The following CENPP variants were observed in gnomAD, a reference collection of about 807,000 sequenced individuals.
The protein encoded by CENPP is centromere protein P.
CENPP carries 24 observed loss-of-function variants against 35.6 expected under a neutral mutation model. The ratio of observed to expected loss-of-function variants is 0.67; its 90% CI spans 0.49 to 0.95. The LOEUF (loss-of-function observed/expected upper bound fraction) is 0.95. CENPP is among the 40% of genes least tolerant of loss of function. The pLI, the probability that CENPP is intolerant of heterozygous loss-of-function variation, is 0.00. For synonymous variants in CENPP, 120 were observed against 125.5 expected, an observed-to-expected ratio of 0.96 and a Z score of 0.29; for missense variants, 332 against 345.3, an observed-to-expected ratio of 0.96 and a Z score of 0.31.
chr9:92,438,182 A>G (rs1564320111), intron 5 of CENPP, among the ~76,000 whole-genome samples: 1 of 152,126 alleles, frequency 6.6e-6, no homozygotes, highest in Non-Finnish European at 1.5e-5. Context: ...TCAGGTCTTA[A>G]ATATTTTTTC....
chr9:92,474,807 G>C (rs535145508), intron 5 of CENPP: 2 of 1,612,956 alleles, frequency 1.2e-6, no homozygotes, highest in African/African-American at 2.7e-5. Flanking sequence ...ATATCCTTCA[G>C]CATCATATTC....
At chr9:92,571,665 A>T (rs1168302379) in intron 5 of CENPP, among the ~76,000 whole-genome samples, 1 of 152,074 alleles carries the variant, frequency 6.6e-6, no homozygotes, top group African/African-American at 2.4e-5. Flanking sequence ...GATCTGTCTA[A>T]TGTTGATAGT....
intron 5 of CENPP, among the ~76,000 whole-genome samples, chr9:92,424,044 CAAAAGTTTAACAT>C (rs1303416124): frequency 2.0e-5 from 3 of 152,056 alleles, no homozygotes; most frequent in African/African-American, 7.2e-5. Context: ...TTTGCCTAAT[CAAAAGTTTAACAT>C]AACTTTTTTA....
chr9:92,403,599 G>A lies in CENPP; in HGVS notation c.564+23740G>A, dbSNP rs181346547. 2.9e-5 allele frequency: 35 copies of A among 1,221,196 alleles called. No individual in the cohort carries two copies. The Admixed American group carries it at 1.5e-3, about 51-fold the overall frequency. The allele number at this position is 1,221,196 out of a possible 1,614,324, so 75.6% of individuals were successfully genotyped here. On this transcript the variant is annotated intron_variant, in intron 5 of 7. Coordinates refer to ENST00000375587, the MANE Select transcript of CENPP (RefSeq NM_001012267.3). ...TTTAACCCTTAGTGATCTTTAATTAGATGCTAGCAGTTTTTATGTATCAGT... is the reference window on the plus strand; with the variant it reads ...TTTAACCCTTAGTGATCTTTAATTAAATGCTAGCAGTTTTTATGTATCAGT...
rs1452710010 is a variant in CENPP, at chr9:92,390,009, C to G, written c.564+10150C>G. ...GAAAGTTTTGAAAAAGTACCATCTT[C>G]TATATCTTCTATCAAATTTCCTGTA... On this transcript the variant is annotated intron_variant, in intron 5 of 7. Coordinates refer to ENST00000375587, the MANE Select transcript of CENPP (RefSeq NM_001012267.3). 4 of 1,607,860 alleles carry G rather than the reference C, an allele frequency of 2.5e-6. No homozygotes were observed. In the African/African-American group the frequency reaches 5.3e-5, roughly 21 times the overall value.
At chr9:92,343,205 T>C (rs1255265225) in intron 3 of CENPP, among the ~76,000 whole-genome samples, 2 of 152,232 alleles carry the variant, frequency 1.3e-5, no homozygotes, top group African/African-American at 2.4e-5. Context: ...TGATGACTTA[T>C]AGTTTGTCTA....
At chr9:92,446,442 G>GA (rs1416376661) in intron 5 of CENPP, among the ~76,000 whole-genome samples, 1 of 152,094 alleles carries the variant, frequency 6.6e-6, no homozygotes, top group East Asian at 1.9e-4. Context: ...GTGCATTGGG[G>GA]AAAAATGCCG....
At chr9:92,380,167 A>G (rs1389612835) in intron 5 of CENPP, among the ~76,000 whole-genome samples, 1 of 152,234 alleles carries the variant, frequency 6.6e-6, no homozygotes, top group Non-Finnish European at 1.5e-5. Context: ...AATAAAGAAT[A>G]TCATCACAGC....
chr9:92,593,578 G>A lies in CENPP; in HGVS notation c.565-17736G>A, dbSNP rs888120947. On this transcript the variant is annotated intron_variant, in intron 5 of 7. Coordinates refer to ENST00000375587, the MANE Select transcript of CENPP (RefSeq NM_001012267.3). This position sits in a 1 kb window ranked among gnomAD's most constrained non-coding sequence, Gnocchi z 4.1. ...TGTACAGAAATGAATAAATGAAAGA[G>A]TGGTGTTTGCTACTCTTCTGTTATC... Among the ~76,000 whole-genome samples the A allele has an allele frequency of 4.6e-5, 7 of 152,194 alleles. No individual in the cohort carries two copies. The highest frequency in any genetic ancestry group is 1.7e-4 in the African/African-American group (7 of 41,448).
chr9:92,448,596 C>A (rs1844613854), intron 5 of CENPP, among the ~76,000 whole-genome samples: 1 of 151,796 alleles, frequency 6.6e-6, no homozygotes, highest in Non-Finnish European at 1.5e-5. Flanking sequence ...CCTATGATTT[C>A]ATCTCTAGGG....
At position 92,332,264 on chromosome 9, in the gene CENPP, T is replaced by C. The variant is rs1323977417; in HGVS notation, c.202T>C (p.Ser68Pro). 6.2e-7 allele frequency: 1 copy of C among 1,613,060 alleles called. No homozygotes were observed. The highest frequency in any genetic ancestry group is 8.5e-7 in the Non-Finnish European group (1 of 1,179,470). Reference sequence around the variant, plus strand: ...GCTTGGACATTTAGAATCAGAACTTTCATTTCTAAGTACGCTTACTGGCAT... The same window carrying C: ...GCTTGGACATTTAGAATCAGAACTTCCATTTCTAAGTACGCTTACTGGCAT... ...NQLGHLESELSFLSTLTGINI... is the reference protein window; with the variant it reads ...NQLGHLESELPFLSTLTGINI... Residue 68 changes from serine (S) to proline (P), a missense_variant, in exon 2 of 8, where the codon TCA (serine) becomes CCA (proline). Ser to Pro is a moderately conservative substitution (Grantham distance 74). Coordinates refer to ENST00000375587, the MANE Select transcript of CENPP (RefSeq NM_001012267.3).
intron 5 of CENPP, among the ~76,000 whole-genome samples, chr9:92,433,146 G>A (rs1588126709): frequency 6.6e-6 from 1 of 152,302 alleles, no homozygotes; most frequent in Admixed American, 6.5e-5. Context: ...CAGTTCTGGA[G>A]TTATTGGGAA....
chr9:92,567,389 T>TATATATATATATATATATAG (rs1564005567), intron 5 of CENPP, among the ~76,000 whole-genome samples: 25 of 98,036 alleles, frequency 2.6e-4, no homozygotes, highest in Admixed American at 5.8e-4. Flanking sequence ...TATATATATA[T>TATATATATATATATATATAG]ATATATAGAT....
intron 5 of CENPP, among the ~76,000 whole-genome samples, chr9:92,539,337 TCCCCCGCTCCCCCAC>T (rs1849262888): frequency 6.8e-6 from 1 of 147,816 alleles, no homozygotes; most frequent in African/African-American, 2.5e-5. Context: ...TCTCCCGCCT[TCCCCCGCTCCCCCAC>T]CCCCCACCCC....
intron 5 of CENPP, among the ~76,000 whole-genome samples, chr9:92,501,283 G>A (rs1161689631): frequency 6.6e-6 from 1 of 152,134 alleles, no homozygotes; most frequent in Non-Finnish European, 1.5e-5. Flanking sequence ...GAGTCCATGC[G>A]AGAGGAGCAT....
chr9:92,566,838 C>A (rs7873390), intron 5 of CENPP, among the ~76,000 whole-genome samples: 65,617 of 151,940 alleles, frequency 0.43, 16,862 homozygotes, highest in African/African-American at 0.72. Flanking sequence ...AAACTTCCCA[C>A]ATTTGTTGAA....
At chr9:92,465,177 G>T (rs2131056877) in intron 5 of CENPP, 1 of 630,094 alleles carries the variant, frequency 1.6e-6, no homozygotes, top group Non-Finnish European at 2.8e-6. Context: ...ATCTGCTTCT[G>T]TCTATCTACT....
chr9:92,351,545 T>C (rs1434179782), intron 4 of CENPP, among the ~76,000 whole-genome samples: 2 of 151,930 alleles, frequency 1.3e-5, no homozygotes, highest in African/African-American at 4.8e-5. Context: ...CCTCTCCTCA[T>C]CCACCATTCT....
chr9:92,426,969 A>G lies in CENPP; in HGVS notation c.564+47110A>G, dbSNP rs12342745. Among the ~76,000 whole-genome samples the G allele has an allele frequency of 3.2e-3, 491 of 152,252 alleles. 3 individuals carry two copies. Among genetic ancestry groups the G allele is most frequent in the Non-Finnish European group, 5.8e-3 (396 of 68,002 alleles). On this transcript the variant is annotated intron_variant, in intron 5 of 7. Transcript: ENST00000375587. ...TTGGTTTCTAACATCATTTTCCAGT[A>G]AAAGGAACCAGGGCTGCTCCTTGGA... is the stretch of plus-strand genomic sequence containing the variant.
Sources: allele counts gnomAD v4.1 joint callset (sites outside exome capture counted in the v4.1 genomes callset), GRCh38; gene constraint gnomAD v4.1.1; non-coding constraint Gnocchi (gnomAD v3.1); transcripts MANE v1.5; gene names NCBI Gene and HGNC (gene_info 2026-07-23, HGNC 2026-07-21).